The following FAM185A variants were observed in gnomAD, a reference collection of about 807,000 sequenced individuals.
The protein encoded by FAM185A is protein FAM185A.
In FAM185A, 21 loss-of-function variants were observed where a neutral mutation model predicts 45.7. The observed-to-expected ratio is 0.46, with a 90% CI of 0.33 to 0.66. The LOEUF (loss-of-function observed/expected upper bound fraction) is 0.66. FAM185A is among the 30% of genes least tolerant of loss of function. The pLI, the probability that FAM185A is intolerant of heterozygous loss-of-function variation, is 0.03. For synonymous variants in FAM185A, 117 were observed against 194.0 expected (o/e 0.60, Z 3.30); for missense variants, 305 against 485.4 (o/e 0.63, Z 3.49).
At chr7:102,822,177 T>A in the FAM185A span, 13 of 1,614,136 alleles carry the variant, frequency 8.1e-6, no homozygotes, top group South Asian at 1.4e-4. Flanking sequence ...ATTTTGCCGA[T>A]AACATCTCCA....
intron 3 of FAM185A, among the ~76,000 whole-genome samples, chr7:102,760,292 C>T (rs1357091946): frequency 6.6e-6 from 1 of 151,766 alleles, no homozygotes; most frequent in Non-Finnish European, 1.5e-5. Context: ...ATAGCAATAC[C>T]TCTGTCAGGA....
At chr7:102,794,899 T>A (rs1454570010) in intron 7 of FAM185A, among the ~76,000 whole-genome samples, 1 of 152,178 alleles carries the variant, frequency 6.6e-6, no homozygotes, top group African/African-American at 2.4e-5. Context: ...AAAGCCAATC[T>A]CAAAATGGTC....
At chr7:102,813,950 T>C (rs1224418398), downstream of FAM185A, among the ~76,000 whole-genome samples, 1 of 152,138 alleles carries the variant, frequency 6.6e-6, no homozygotes, top group African/African-American at 2.4e-5. Context: ...CAGATCCCTT[T>C]TGACTACATG....
chr7:102,822,296 C>T, the FAM185A span: 2 of 1,173,274 alleles, frequency 1.7e-6, no homozygotes, highest in Non-Finnish European at 2.5e-6. Context: ...TAATAAACTA[C>T]CACAGACTGT....
chr7:102,752,663 T>C (rs912009694), intron 2 of FAM185A, among the ~76,000 whole-genome samples: 4 of 151,484 alleles, frequency 2.6e-5, no homozygotes, highest in African/African-American at 9.7e-5. Flanking sequence ...TGGGCTCAAG[T>C]GATCCTCCTG....
At chr7:102,756,330 A>G (rs1467196997) in intron 2 of FAM185A, among the ~76,000 whole-genome samples, 1 of 152,194 alleles carries the variant, frequency 6.6e-6, no homozygotes, top group Non-Finnish European at 1.5e-5. Flanking sequence ...AAAGACATAT[A>G]TAATGATTAA....
At chr7:102,815,637 G>A in the FAM185A span, among the ~76,000 whole-genome samples, 1 of 152,116 alleles carries the variant, frequency 6.6e-6, no homozygotes, top group Non-Finnish European at 1.5e-5. Context: ...CAATGATCTT[G>A]ACCTATAGGA....
At chr7:102,771,180 TGG>T (rs1562854955) in intron 4 of FAM185A, among the ~76,000 whole-genome samples, 1 of 151,836 alleles carries the variant, frequency 6.6e-6, no homozygotes, top group African/African-American at 2.4e-5. Context: ...GACATAAAGA[TGG>T]CAACAGTAGA....
chr7:102,779,676 C>G (rs2129438816), intron 6 of FAM185A: 1 of 152,042 alleles, frequency 6.6e-6, no homozygotes, highest in South Asian at 2.1e-4. Flanking sequence ...CATTTGAACC[C>G]TGGAAAGCAA....
intron 5 of FAM185A, among the ~76,000 whole-genome samples, chr7:102,775,696 CTAA>C (rs140528582): frequency 0.018 from 2,803 of 152,184 alleles, 89 homozygotes; most frequent in African/African-American, 0.063. Context: ...AGAAATCACA[CTAA>C]TGTTTCAGCT....
chr7:102,845,050 C>T, the FAM185A span, among the ~76,000 whole-genome samples: 1 of 152,120 alleles, frequency 6.6e-6, no homozygotes, highest in African/African-American at 2.4e-5. Context: ...ATGTGTTCGC[C>T]AACCTGGAAG....
intron 6 of FAM185A, among the ~76,000 whole-genome samples, chr7:102,783,801 A>G (rs2129440445): frequency 6.6e-6 from 1 of 152,340 alleles, no homozygotes; most frequent in African/African-American, 2.4e-5. Flanking sequence ...AACACATTCA[A>G]AAACTAGCAG....
chr7:102,759,172 C>CT, intron 3 of FAM185A, among the ~76,000 whole-genome samples: 1 of 152,034 alleles, frequency 6.6e-6, no homozygotes, highest in Non-Finnish European at 1.5e-5. Flanking sequence ...TTTACAGCCC[C>CT]TTCAAACTCA....
chr7:102,834,106 G>A, the FAM185A span, among the ~76,000 whole-genome samples: 1 of 106,544 alleles, frequency 9.4e-6, no homozygotes, highest in Non-Finnish European at 1.8e-5. Context: ...AAGAAAGAAA[G>A]AAAGAAAGAA....
At chr7:102,848,823 G>A in the FAM185A span, among the ~76,000 whole-genome samples, 4,412 of 151,876 alleles carry the variant, frequency 0.029, 185 homozygotes, top group East Asian at 0.16. Flanking sequence ...ACATGGTGAA[G>A]TCGCATTTCT....
chr7:102,822,655 G>C, the FAM185A span, among the ~76,000 whole-genome samples: 1 of 152,198 alleles, frequency 6.6e-6, no homozygotes, highest in African/African-American at 2.4e-5. Context: ...AACAAAATCA[G>C]ACACTTGCAT....
the FAM185A span, among the ~76,000 whole-genome samples, chr7:102,836,289 T>C: frequency 6.6e-6 from 1 of 152,216 alleles, no homozygotes; most frequent in Admixed American, 6.5e-5. Flanking sequence ...GTCTAAGGCT[T>C]TATGCTAAAT....
chr7:102,761,390 A>G lies in FAM185A; in HGVS notation c.772A>G (p.Ile258Val). 1 of 1,536,026 alleles carries G rather than the reference A, an allele frequency of 6.5e-7. No homozygotes were observed. Among genetic ancestry groups the G allele is most frequent in the South Asian group, 1.2e-5 (1 of 80,752 alleles). ...ATTTCTGTCTTCTGCTGCTGGGGAT[A>G]TTACATTAGGAAGTGTTCATGGTAA... ...SSFLSSAAGD[I>V]TLGSVHGNIT... The change falls in exon 4 of 8, where the codon ATT (isoleucine) becomes GTT (valine). Residue 258 changes from isoleucine to valine, a missense_variant. By Grantham distance (29) the Ile-to-Val change is conservative. Coordinates refer to ENST00000413034, the MANE Select transcript of FAM185A (RefSeq NM_001145268.2).
the FAM185A span, among the ~76,000 whole-genome samples, chr7:102,817,365 T>C: frequency 6.6e-6 from 1 of 152,228 alleles, no homozygotes; most frequent in Non-Finnish European, 1.5e-5. Flanking sequence ...TTAGTGATGT[T>C]GAGCATTTTT....
Sources: gnomAD v4.1 joint callset for allele counts (sites outside exome capture counted in the v4.1 genomes callset) on GRCh38, gnomAD v4.1.1 for gene constraint, MANE v1.5 for transcripts, NCBI Gene and HGNC (gene_info 2026-07-23, HGNC 2026-07-21) for gene names.